METAP1D: variants seen among roughly 807,000 people sequenced by gnomAD.
METAP1D encodes the protein methionyl aminopeptidase type 1D, mitochondrial.
Under a neutral mutation model 40.5 loss-of-function variants are expected in METAP1D, and 31 were observed. That is an observed-to-expected ratio of 0.77 (90% confidence interval 0.58 to 1.03). The LOEUF (loss-of-function observed/expected upper bound fraction) is 1.03, where lower values mean the gene tolerates loss of function less well. Ranked by LOEUF, METAP1D falls within the 50% of genes least tolerant of loss-of-function variation. METAP1D has a pLI of 0.00. For missense variants in METAP1D, 411 were observed against 420.7 expected, an observed-to-expected ratio of 0.98 and a Z score of 0.20; for synonymous variants, 151 against 146.4, an observed-to-expected ratio of 1.03 and a Z score of -0.22.
rs140159521 is a variant in METAP1D, at chr2:172,037,836, G to A, written c.41-23662G>A. On this transcript the variant is annotated intron_variant, in intron 1 of 9. Transcript: ENST00000315796. ...ATTTGAGCTTGACATGTTGTTTCTG[G>A]TGCTAACAGTTAGGAAAGCAGGGTT... Among the ~76,000 whole-genome samples the A allele has an allele frequency of 1.2e-4, 19 of 152,264 alleles. No individual in the cohort carries two copies. In the East Asian group the frequency reaches 3.7e-3, roughly 29 times the overall value.
chr2:172,031,185 G>A lies in METAP1D; in HGVS notation c.41-30313G>A, dbSNP rs144040868. Among the ~76,000 whole-genome samples the A allele has an allele frequency of 4.9e-3, 741 of 152,276 alleles. 6 individuals carry two copies. Among genetic ancestry groups the A allele is most frequent in the African/African-American group, 0.016 (674 of 41,560 alleles). On this transcript the variant is annotated intron_variant, in intron 1 of 9. Transcript: ENST00000315796. Reference sequence around the variant, plus strand: ...CTTGGAACATAAAATGTCCAACTACGTATTAGAATTTTCTTTGGGTTAATG... The same window carrying A: ...CTTGGAACATAAAATGTCCAACTACATATTAGAATTTTCTTTGGGTTAATG...
intron 1 of METAP1D, among the ~76,000 whole-genome samples, chr2:172,008,689 CCTTT>C (rs1432450156): frequency 1.5e-4 from 16 of 106,946 alleles, no homozygotes; most frequent in African/African-American, 6.0e-4. Context: ...GTGAATGTGG[CCTTT>C]CTCTCAAAAT....
intron 1 of METAP1D, among the ~76,000 whole-genome samples, chr2:172,058,183 G>A (rs985456520): frequency 6.6e-6 from 1 of 151,918 alleles, no homozygotes; most frequent in Non-Finnish European, 1.5e-5. Context: ...TTTATTTTTT[G>A]TAGAGATGGG....
intron 1 of METAP1D, among the ~76,000 whole-genome samples, chr2:172,033,853 G>A (rs1574106941): frequency 6.6e-6 from 1 of 151,820 alleles, no homozygotes; most frequent in African/African-American, 2.4e-5. Context: ...GAGGCGGGGG[G>A]GATCACGAGG....
chr2:172,033,690 A>T (rs1240539727), intron 1 of METAP1D, among the ~76,000 whole-genome samples: 1 of 152,120 alleles, frequency 6.6e-6, no homozygotes, highest in Non-Finnish European at 1.5e-5. Context: ...ATATGACAAA[A>T]GGAGAATATC....
At chr2:172,065,834 A>G (rs1690264832) in intron 4 of METAP1D, 82 bp downstream of exon 4, 3 of 1,411,182 alleles carry the variant, frequency 2.1e-6, no homozygotes, top group Non-Finnish European at 2.9e-6. Flanking sequence ...GAAAGACACT[A>G]TCATTCAATT....
chr2:172,022,387 TG>T (rs1314986038), intron 1 of METAP1D, among the ~76,000 whole-genome samples: 1 of 152,186 alleles, frequency 6.6e-6, no homozygotes, highest in African/African-American at 2.4e-5. Flanking sequence ...GAAATTTTTT[TG>T]TTTTTAATAA....
Position 172,039,676 on chromosome 2 carries a change from G to GT in METAP1D, c.41-21813dup, listed in dbSNP as rs1357287312. Among the ~76,000 whole-genome samples, 30 of 96,156 alleles carry GT rather than the reference G, an allele frequency of 3.1e-4. 1 individual carries two copies. Among genetic ancestry groups the GT allele is most frequent in the Admixed American group, 3.0e-3 (28 of 9,276 alleles). 63.1% of individuals were successfully genotyped at this position (96,156 alleles called of 152,430 possible). A position where few individuals can be genotyped will look rare whatever the true frequency, so the allele number is the denominator to read the frequency against. On this transcript the variant is annotated intron_variant, in intron 1 of 9. Transcript: ENST00000315796. ...GCAAATACCTTTAAAACTTTTTTTT[G>GT]TTTTTTTTTGAGATGAACTCTCGCT...
chr2:172,016,881 C>T (rs1199208780), intron 1 of METAP1D, among the ~76,000 whole-genome samples: 1 of 151,798 alleles, frequency 6.6e-6, no homozygotes, highest in African/African-American at 2.4e-5. Context: ...TATGCTATTC[C>T]TCGTGCTTGA....
intron 1 of METAP1D, among the ~76,000 whole-genome samples, chr2:172,036,860 T>C (rs1297830595): frequency 1.3e-5 from 2 of 152,264 alleles, no homozygotes; most frequent in Non-Finnish European, 2.9e-5. Context: ...CAACCTGTAC[T>C]TGGCATTGTC....
chr2:172,077,432 T>G (rs1272012225), intron 6 of METAP1D, among the ~76,000 whole-genome samples: 3 of 152,210 alleles, frequency 2.0e-5, no homozygotes, highest in Non-Finnish European at 4.4e-5. Flanking sequence ...CCAGGCAGGT[T>G]TTTATGACCT....
intron 1 of METAP1D, among the ~76,000 whole-genome samples, chr2:172,033,584 G>A (rs1426803937): frequency 2.0e-5 from 3 of 152,064 alleles, no homozygotes; most frequent in East Asian, 3.9e-4. Flanking sequence ...TCGAATTCCT[G>A]ACCTCAAGTG....
At chr2:172,050,463 T>C (rs1689864015) in intron 1 of METAP1D, among the ~76,000 whole-genome samples, 1 of 152,194 alleles carries the variant, frequency 6.6e-6, no homozygotes, top group African/African-American at 2.4e-5. Context: ...ATGATGTTTT[T>C]ATATAGACTT....
Position 172,019,392 on chromosome 2 carries a change from C to T in METAP1D, c.40+19383C>T, listed in dbSNP as rs117857993. Among the ~76,000 whole-genome samples, 318 of 151,994 alleles carry T rather than the reference C, an allele frequency of 2.1e-3. 1 individual carries two copies. The highest frequency in any genetic ancestry group is 0.021 in the East Asian group (107 of 5,178). On this transcript the variant is annotated intron_variant, in intron 1 of 9. Transcript: ENST00000315796. The stretch of plus-strand genomic sequence containing the variant: ...ATATACTCAAGAAAAATTTTCCAAC[C>T]GCAAAACAAGAATAGAATACTATTT...
rs1690149947 is a variant in METAP1D, at chr2:172,061,817, T to G, written c.198+162T>G. The G allele has an allele frequency of 7.8e-6, 4 of 515,502 alleles. No individual in the cohort carries two copies. In the East Asian group the frequency reaches 1.2e-4, roughly 16 times the overall value. 31.9% of individuals were successfully genotyped at this position (515,502 alleles called of 1,614,324 possible). ...TGTGATTTGAGAAGTTTTAATATCC[T>G]GCAATTCTATAGCATTAATTTTTTA... On this transcript the variant is annotated intron_variant, in intron 2 of 9. Coordinates refer to ENST00000315796, the MANE Select transcript of METAP1D (RefSeq NM_199227.3).
chr2:172,048,970 G>T (rs1001886104), intron 1 of METAP1D, among the ~76,000 whole-genome samples: 1 of 151,996 alleles, frequency 6.6e-6, no homozygotes, highest in South Asian at 2.1e-4. Flanking sequence ...AATTTTTAAC[G>T]TTTTTAAATT....
chr2:172,059,924 G>A (rs994899028), intron 1 of METAP1D, among the ~76,000 whole-genome samples: 7 of 152,118 alleles, frequency 4.6e-5, no homozygotes, highest in African/African-American at 1.7e-4. Flanking sequence ...GGTGGTGCGC[G>A]CCTGCAGTCC....
At chr2:172,030,852 A>G (rs1316667815) in intron 1 of METAP1D, among the ~76,000 whole-genome samples, 1 of 152,186 alleles carries the variant, frequency 6.6e-6, no homozygotes, top group African/African-American at 2.4e-5. Context: ...GCTCACTCAC[A>G]TGTATGTATG....
At chr2:172,028,564 G>C (rs201743084) in intron 1 of METAP1D, among the ~76,000 whole-genome samples, 2 of 136,238 alleles carry the variant, frequency 1.5e-5, no homozygotes, top group East Asian at 1.1e-3. Flanking sequence ...GTGTGTGTGT[G>C]TGTGTGTGTG....
Sources: allele counts gnomAD v4.1 joint callset (sites outside exome capture counted in the v4.1 genomes callset), GRCh38; gene constraint gnomAD v4.1.1; transcripts MANE v1.5; gene names NCBI Gene and HGNC (gene_info 2026-07-23, HGNC 2026-07-21).